PGBD5: variants seen among roughly 807,000 people sequenced by gnomAD.
PGBD5 encodes the protein piggyBac transposable element derived 5.
Under a neutral mutation model 47.9 loss-of-function variants are expected in PGBD5, and 14 were observed. The ratio of observed to expected loss-of-function variants is 0.29; its 90% CI spans 0.19 to 0.46. PGBD5 has a LOEUF of 0.46. PGBD5 is among the 20% of genes least tolerant of loss of function. The pLI is 1.00. For missense variants in PGBD5, 635 were observed against 716.0 expected (o/e 0.89, Z 1.29); for synonymous variants, 316 against 306.3 (o/e 1.03, Z -0.33).
chr1:230,386,576 T>C (rs1416850942), intron 1 of PGBD5, among the ~76,000 whole-genome samples: 1 of 152,214 alleles, frequency 6.6e-6, no homozygotes, highest in Non-Finnish European at 1.5e-5. Context: ...TATCAATCTT[T>C]GACAGTTTGA....
rs183524013 is a variant in PGBD5, at chr1:230,353,441, C to A, written c.760-2349G>T. On this transcript the variant is annotated intron_variant, in intron 2 of 6. Transcript: ENST00000391860. The stretch of plus-strand genomic sequence containing the variant: ...TTTGTGTAGAAACACACACACACAC[C>A]CCAGCTGCTTTGGTCATTGCTACAT... Among the ~76,000 whole-genome samples, 68 of 152,244 alleles carry A rather than the reference C, an allele frequency of 4.5e-4. No homozygotes were observed. In the East Asian group the frequency reaches 0.013, roughly 28 times the overall value.
chr1:230,424,886 C>G (rs143122924), intron 1 of PGBD5, among the ~76,000 whole-genome samples: 2 of 152,222 alleles, frequency 1.3e-5, no homozygotes, highest in Non-Finnish European at 2.9e-5. Context: ...CTGCCAGCAC[C>G]CTAGCCACCT....
intron 1 of PGBD5, among the ~76,000 whole-genome samples, chr1:230,420,453 T>C (rs539895718): frequency 7.9e-5 from 12 of 152,286 alleles, no homozygotes; most frequent in African/African-American, 2.9e-4. Context: ...TGGCTCTATG[T>C]CCCCACCCAA....
In PGBD5 at chr1:230,321,562, CA is replaced by C. The variant is rs1306755543; in HGVS notation, c.*1862del. ...CAAGCGATCCGCCCGCTTCAGCCTC[CA>C]AAAGTGCTGGGATTACAGGCATGAG... On this transcript the variant is annotated 3_prime_UTR_variant, in exon 7 of 7. Transcript: ENST00000391860. 1 of 152,226 alleles carries C rather than the reference CA, an allele frequency of 6.6e-6. No homozygotes were observed. The highest frequency in any genetic ancestry group is 1.9e-4 in the East Asian group (1 of 5,188). 9.4% of individuals were successfully genotyped at this position (152,226 alleles called of 1,614,324 possible).
rs1011077841 is a variant in PGBD5, at chr1:230,327,083, C to T, written c.1274-1668G>A. Among the ~76,000 whole-genome samples, 10 of 152,178 alleles carry T rather than the reference C, an allele frequency of 6.6e-5. No individual in the cohort carries two copies. In the East Asian group the frequency reaches 7.7e-4, roughly 12 times the overall value. ...TATGCGCCACCCACCGCAGACAACA[C>T]GGAAGATGAGACGGACGCCTTCTTC... On this transcript the variant is annotated intron_variant, in intron 5 of 6. Coordinates refer to ENST00000391860, the MANE Select transcript of PGBD5 (RefSeq NM_001258311.2).
chr1:230,418,112 A>G (rs556858382), intron 1 of PGBD5, among the ~76,000 whole-genome samples: 1 of 152,314 alleles, frequency 6.6e-6, no homozygotes, highest in South Asian at 2.1e-4. Flanking sequence ...GCAAAGAATT[A>G]TCTGGCCCAA....
At chr1:230,422,708 A>G (rs894929408) in intron 1 of PGBD5, among the ~76,000 whole-genome samples, 5 of 152,144 alleles carry the variant, frequency 3.3e-5, no homozygotes, top group African/African-American at 1.2e-4. Context: ...CTTCCGGAGG[A>G]GCTGATCTAG....
intron 3 of PGBD5, among the ~76,000 whole-genome samples, chr1:230,338,406 ACTGAGGTCCTGTGTCC>A (rs1667359669): frequency 6.6e-6 from 1 of 152,202 alleles, no homozygotes; most frequent in African/African-American, 2.4e-5. Flanking sequence ...CGGCTGCAGG[ACTGAGGTCCTGTGTCC>A]CTGCTGGCTG....
intron 1 of PGBD5, chr1:230,367,857 C>A: frequency 8.0e-7 from 1 of 1,256,474 alleles, no homozygotes; most frequent in African/African-American, 1.6e-5. Context: ...TTCATTCTCG[C>A]AACAGCCAAG....
intron 2 of PGBD5, among the ~76,000 whole-genome samples, chr1:230,356,525 C>T (rs11577174): frequency 0.01 from 1,584 of 152,206 alleles, 11 homozygotes; most frequent in Non-Finnish European, 0.016. Context: ...AGCCTCCTTT[C>T]GTCACCAACA....
rs1188225128 is a variant in PGBD5, at chr1:230,399,209, T to C, written c.331+26389A>G. Among the ~76,000 whole-genome samples, 8 of 152,136 alleles carry C rather than the reference T, an allele frequency of 5.3e-5. No individual in the cohort carries two copies. The South Asian group carries it at 6.2e-4, about 12-fold the overall frequency. On this transcript the variant is annotated intron_variant, in intron 1 of 6. Coordinates refer to ENST00000391860, the MANE Select transcript of PGBD5 (RefSeq NM_001258311.2). ...TTTTTTCATATGTAAATACGGCCCA[T>C]GTAATGACCGGCAAGCTTAAGCTGA... is the stretch of plus-strand genomic sequence containing the variant.
chr1:230,328,375 A>T (rs1316569811), intron 5 of PGBD5, among the ~76,000 whole-genome samples: 2 of 152,154 alleles, frequency 1.3e-5, no homozygotes, highest in Non-Finnish European at 2.9e-5. Flanking sequence ...CCAGTTTATA[A>T]ACCAGATCAC....
At chr1:230,390,452 T>C (rs1656756226) in intron 1 of PGBD5, among the ~76,000 whole-genome samples, 1 of 152,176 alleles carries the variant, frequency 6.6e-6, no homozygotes, top group African/African-American at 2.4e-5. Flanking sequence ...CCTCTCTGGC[T>C]GCAGCAAACC....
chr1:230,413,514 G>A (rs960918094), intron 1 of PGBD5, among the ~76,000 whole-genome samples: 1 of 152,050 alleles, frequency 6.6e-6, no homozygotes, highest in African/African-American at 2.4e-5. Flanking sequence ...AAAAGGGCGG[G>A]GAGGGGAAGA....
intron 2 of PGBD5, among the ~76,000 whole-genome samples, chr1:230,354,171 A>T (rs1002779419): frequency 3.3e-5 from 5 of 152,212 alleles, no homozygotes; most frequent in African/African-American, 1.2e-4. Context: ...CTCTGTGGTT[A>T]TGACTTCATC....
chr1:230,391,872 TTCTTCCATGC>T (rs1283550315), intron 1 of PGBD5, among the ~76,000 whole-genome samples: 1 of 152,244 alleles, frequency 6.6e-6, no homozygotes, highest in Non-Finnish European at 1.5e-5. Flanking sequence ...CTGCATTTCT[TTCTTCCATGC>T]TCAGCAGTGG....
In PGBD5 at chr1:230,358,157, C is replaced by T. The variant is rs982834958; in HGVS notation, c.332-836G>A. ...GCAGTGCACAGCCCCTCCTGTCTCC[C>T]GCCACGCCATCACACAGGGCTCCTC... On this transcript the variant is annotated intron_variant, in intron 1 of 6. Coordinates refer to ENST00000391860, the MANE Select transcript of PGBD5 (RefSeq NM_001258311.2). Among the ~76,000 whole-genome samples the T allele has an allele frequency of 7.9e-5, 12 of 152,148 alleles. No individual in the cohort carries two copies. In the South Asian group the frequency reaches 1.4e-3, roughly 18 times the overall value.
At chr1:230,364,688 T>C (rs1040837820) in intron 1 of PGBD5, among the ~76,000 whole-genome samples, 1 of 152,246 alleles carries the variant, frequency 6.6e-6, no homozygotes, top group East Asian at 1.9e-4. Context: ...TCACAGGAAA[T>C]ATGAACCATA....
intron 1 of PGBD5, among the ~76,000 whole-genome samples, chr1:230,407,077 C>T (rs1343066833): frequency 1.3e-5 from 2 of 152,178 alleles, no homozygotes; most frequent in African/African-American, 2.4e-5. Flanking sequence ...TCAGGTGATC[C>T]GCCTGCCTTG....
Sources: gnomAD v4.1 joint callset for allele counts (sites outside exome capture counted in the v4.1 genomes callset) on GRCh38, gnomAD v4.1.1 for gene constraint, MANE v1.5 for transcripts, NCBI Gene and HGNC (gene_info 2026-07-23, HGNC 2026-07-21) for gene names.